The following PRKAG2 variants were observed in gnomAD, a reference collection of about 807,000 sequenced individuals.
PRKAG2 encodes the protein 5'-AMP-activated protein kinase subunit gamma-2.
A neutral mutation model predicts 69.6 loss-of-function variants in PRKAG2; 26 were observed. That is an observed-to-expected ratio of 0.37 (90% CI 0.27 to 0.52). The LOEUF (loss-of-function observed/expected upper bound fraction) is 0.52, where lower values mean the gene tolerates loss of function less well. PRKAG2 is among the 20% of genes least tolerant of loss of function. The pLI is 0.90. For synonymous variants in PRKAG2, 293 were observed against 285.0 expected, an observed-to-expected ratio of 1.03 and a Z score of -0.28; for missense variants, 557 against 740.0, an observed-to-expected ratio of 0.75 and a Z score of 2.87.
chr7:151,652,967 G>A (rs1397802939), intron 4 of PRKAG2, among the ~76,000 whole-genome samples: 1 of 152,146 alleles, frequency 6.6e-6, no homozygotes, highest in East Asian at 1.9e-4. Context: ...GAGACCAACT[G>A]ATTTGATAAC....
chr7:151,756,032 CCCTCTCCCGCCT>C lies in PRKAG2; in HGVS notation c.466+25108_466+25119del, dbSNP rs1188350736. On this transcript the variant is annotated intron_variant, in intron 3 of 15. Coordinates refer to ENST00000287878, the MANE Select transcript of PRKAG2 (RefSeq NM_016203.4). The surrounding 1 kb of genome is among the most constrained non-coding windows in gnomAD (Gnocchi z 4.9). ...TGCGCAAACACAAATACTTCCACTG[CCCTCTCCCGCCT>C]CCTCTCCCATCCCCCATTGGTCTCC... 6.6e-6 allele frequency among the ~76,000 whole-genome samples: 1 copy of C among 152,174 alleles called. No individual in the cohort carries two copies. Among genetic ancestry groups the C allele is most frequent in the Admixed American group, 6.5e-5 (1 of 15,284 alleles).
At position 151,632,507 on chromosome 7, in the gene PRKAG2, C is replaced by G. The variant is rs1185792603; in HGVS notation, c.685-369G>C. The G allele has an allele frequency of 6.5e-6, 6 of 924,608 alleles. No homozygotes were observed. The African/African-American group carries it at 8.9e-5, about 14-fold the overall frequency. The allele number at this position is 924,608 out of a possible 1,614,324, so 57.3% of individuals were successfully genotyped here. On this transcript the variant is annotated intron_variant, in intron 4 of 15. Transcript: ENST00000287878. The surrounding 1 kb of genome is among the most constrained non-coding windows in gnomAD (Gnocchi z 4.2). ...CCTCCGGCCGTGGCCCGCGTCCTCCCCGCCGTGCCGCCATTGGGAGAGGCC... is the reference window on the plus strand; with the variant it reads ...CCTCCGGCCGTGGCCCGCGTCCTCCGCGCCGTGCCGCCATTGGGAGAGGCC...
At chr7:151,760,780 C>T (rs1358921745) in intron 3 of PRKAG2, among the ~76,000 whole-genome samples, 1 of 152,192 alleles carries the variant, frequency 6.6e-6, no homozygotes, top group Non-Finnish European at 1.5e-5. Flanking sequence ...TCTGTGCTCC[C>T]GTGCCCCATC....
At chr7:151,565,050 C>T (rs146942408) in intron 13 of PRKAG2, among the ~76,000 whole-genome samples, 106 of 152,150 alleles carry the variant, frequency 7.0e-4, no homozygotes, top group African/African-American at 2.5e-3. Context: ...ATCAGGCCTC[C>T]TACGTGGAAA....
intron 3 of PRKAG2, among the ~76,000 whole-genome samples, chr7:151,758,039 C>T (rs573675122): frequency 3.3e-5 from 5 of 152,354 alleles, no homozygotes; most frequent in Admixed American, 2.0e-4. Flanking sequence ...TATTCTCCAC[C>T]TTTTGCTTTG....
chr7:151,866,125 G>A (rs2080071890), intron 1 of PRKAG2, among the ~76,000 whole-genome samples: 1 of 152,154 alleles, frequency 6.6e-6, no homozygotes, highest in Non-Finnish European at 1.5e-5. Context: ...ATCTAGAAAG[G>A]GGCCAAGTGA....
chr7:151,756,413 C>G lies in PRKAG2; in HGVS notation c.466+24739G>C, dbSNP rs962925352. ...TGGATTTGTGGGTGCATCTCGGGCACCCCGCTCAGCACATGGCTCAGGCAC... is the reference window on the plus strand; with the variant it reads ...TGGATTTGTGGGTGCATCTCGGGCAGCCCGCTCAGCACATGGCTCAGGCAC... On this transcript the variant is annotated intron_variant, in intron 3 of 15. Transcript: ENST00000287878. This position sits in a 1 kb window ranked among gnomAD's most constrained non-coding sequence, Gnocchi z 4.9. Among the ~76,000 whole-genome samples the G allele has an allele frequency of 6.6e-6, 1 of 152,232 alleles. No individual in the cohort carries two copies. The highest frequency in any genetic ancestry group is 2.4e-5 in the African/African-American group (1 of 41,464).
chr7:151,632,201 C>T lies in PRKAG2; in HGVS notation c.685-63G>A, dbSNP rs2151326146. 8.5e-7 allele frequency: 1 copy of T among 1,174,938 alleles called. No homozygotes were observed. Among genetic ancestry groups the T allele is most frequent in the East Asian group, 4.1e-5 (1 of 24,660 alleles). 72.8% of individuals were successfully genotyped at this position (1,174,938 alleles called of 1,614,324 possible). ...GCGACGCTCGTCCCCGGCCGGCGGG[C>T]TCGCGGCCGGCCGAGCGCTGGGGCC... On this transcript the variant is annotated intron_variant, in intron 4 of 15. Coordinates refer to ENST00000287878, the MANE Select transcript of PRKAG2 (RefSeq NM_016203.4). The surrounding 1 kb of genome is among the most constrained non-coding windows in gnomAD (Gnocchi z 4.2).
rs190431851 is a variant in PRKAG2, at chr7:151,856,698, G to A, written c.114+19809C>T. Among the ~76,000 whole-genome samples the A allele has an allele frequency of 2.3e-3, 349 of 152,260 alleles. 4 individuals carry two copies. Among genetic ancestry groups the A allele is most frequent in the Admixed American group, 0.012 (182 of 15,298 alleles). ...ACCGAATATAACTCAGTGAATGCCC[G>A]CATCTGAAAAACAAGACCAGCCACA... On this transcript the variant is annotated intron_variant, in intron 1 of 15. Transcript: ENST00000287878.
At chr7:151,627,265 A>G (rs1338629095) in intron 5 of PRKAG2, among the ~76,000 whole-genome samples, 1 of 152,122 alleles carries the variant, frequency 6.6e-6, no homozygotes, top group Non-Finnish European at 1.5e-5. Flanking sequence ...TTTCCCTCCT[A>G]CGAAAAGTGG....
chr7:151,634,829 G>A (rs1825442866), intron 4 of PRKAG2, among the ~76,000 whole-genome samples: 1 of 151,690 alleles, frequency 6.6e-6, no homozygotes, highest in Non-Finnish European at 1.5e-5. Context: ...CTACACAACT[G>A]TTAAAATGGC....
At position 151,713,453 on chromosome 7, in the gene PRKAG2, T is replaced by C. The variant is rs75408397; in HGVS notation, c.467-37816A>G. Among the ~76,000 whole-genome samples, 1,257 of 151,972 alleles carry C rather than the reference T, an allele frequency of 8.3e-3. 19 individuals carry two copies. Among genetic ancestry groups the C allele is most frequent in the African/African-American group, 0.029 (1,184 of 41,268 alleles). On this transcript the variant is annotated intron_variant, in intron 3 of 15. Transcript: ENST00000287878. ...CATGTATGTAATGCAGTATTTTCTTTTTTTACTTTTTTAGTATGGAAAAAT... is the reference window on the plus strand; with the variant it reads ...CATGTATGTAATGCAGTATTTTCTTCTTTTACTTTTTTAGTATGGAAAAAT...
chr7:151,716,938 C>T (rs1392036770), intron 3 of PRKAG2, among the ~76,000 whole-genome samples: 1 of 152,058 alleles, frequency 6.6e-6, no homozygotes, highest in East Asian at 1.9e-4. Flanking sequence ...CACAAAAATT[C>T]GAGGCAACAA....
chr7:151,598,595 TA>T (rs1369770454), intron 5 of PRKAG2, among the ~76,000 whole-genome samples: 1 of 150,574 alleles, frequency 6.6e-6, no homozygotes, highest in Non-Finnish European at 1.5e-5. Flanking sequence ...AAATAAAACT[TA>T]AAAAAAGGAA....
Position 151,797,140 on chromosome 7 carries a change from G to C in PRKAG2, c.115-10599C>G, listed in dbSNP as rs145111365. ...GGAAAAAACCAGCCACGAGGTGAAA[G>C]TGAGATGGCCCCGGCCTGACCTCTG... is the stretch of plus-strand genomic sequence containing the variant. On this transcript the variant is annotated intron_variant, in intron 1 of 15. Coordinates refer to ENST00000287878, the MANE Select transcript of PRKAG2 (RefSeq NM_016203.4). Among the ~76,000 whole-genome samples, 696 of 152,222 alleles carry C rather than the reference G, an allele frequency of 4.6e-3. 2 individuals carry two copies. Among genetic ancestry groups the C allele is most frequent in the Non-Finnish European group, 8.2e-3 (555 of 67,994 alleles).
chr7:151,781,200 G>A lies in PRKAG2; in HGVS notation c.418C>T (p.Pro140Ser), dbSNP rs755782342. 21 of 1,614,004 alleles carry A rather than the reference G, an allele frequency of 1.3e-5. No homozygotes were observed. Among genetic ancestry groups the A allele is most frequent in the Non-Finnish European group, 1.7e-5 (20 of 1,180,050 alleles). ...SSKESSPNSN[P>S]ATSPGGIRFF... ...CTGATGCCCCCGGGCGAGGTAGCAGGGTTGGAGTTGGGGGAAGACTCTTTG... is the reference window on the plus strand; with the variant it reads ...CTGATGCCCCCGGGCGAGGTAGCAGAGTTGGAGTTGGGGGAAGACTCTTTG... Residue 140 changes from proline to serine, a missense_variant, in exon 3 of 16, where the codon CCT becomes TCT. Transcript: ENST00000287878. The surrounding 1 kb of genome is among the most constrained non-coding windows in gnomAD (Gnocchi z 6.1).
intron 3 of PRKAG2, among the ~76,000 whole-genome samples, chr7:151,693,258 G>A (rs971472861): frequency 6.6e-6 from 1 of 152,228 alleles, no homozygotes; most frequent in Admixed American, 6.5e-5. Flanking sequence ...GGGCAGGCCT[G>A]AGACCCGCAG....
intron 15 of PRKAG2, chr7:151,558,857 T>TCATC: frequency 1.0e-6 from 1 of 985,398 alleles, no homozygotes; most frequent in Non-Finnish European, 1.2e-6. Flanking sequence ...AAATTTGAAC[T>TCATC]CATCCAGCAC....
intron 3 of PRKAG2, among the ~76,000 whole-genome samples, chr7:151,739,556 G>A (rs145997560): frequency 0.016 from 2,378 of 152,042 alleles, 33 homozygotes; most frequent in Non-Finnish European, 0.027. Flanking sequence ...TGCAGCCTCC[G>A]CCTCCTGGGC....
Sources: allele counts gnomAD v4.1 joint callset (sites outside exome capture counted in the v4.1 genomes callset), GRCh38; gene constraint gnomAD v4.1.1; non-coding constraint Gnocchi (gnomAD v3.1); transcripts MANE v1.5; gene names NCBI Gene and HGNC (gene_info 2026-07-23, HGNC 2026-07-21).